BBS4: variants seen among roughly 807,000 people sequenced by gnomAD.
BBS4 encodes Bardet-Biedl syndrome 4.
A neutral mutation model predicts 71.4 loss-of-function variants in BBS4; 58 were observed. The ratio of observed to expected loss-of-function variants is 0.81; its 90% CI spans 0.66 to 1.01. BBS4 has a LOEUF of 1.01. BBS4 is among the 50% of genes least tolerant of loss of function. BBS4 has a pLI of 0.00. For missense variants in BBS4, 660 were observed against 607.9 expected, an observed-to-expected ratio of 1.09 and a Z score of -0.90; for synonymous variants, 228 against 216.8, an observed-to-expected ratio of 1.05 and a Z score of -0.46.
At chr15:72,735,776 A>AC (rs2065909474) in intron 13 of BBS4, 49 bp from the exon 14 acceptor site, 1 of 1,612,052 alleles carries the variant, frequency 6.2e-7, no homozygotes, top group Admixed American at 1.7e-5. Context: ...TCTCTAAATG[A>AC]CCATTTGTTG....
At chr15:72,698,612 A>T (rs755968733) in intron 2 of BBS4, among the ~76,000 whole-genome samples, 31 of 152,108 alleles carry the variant, frequency 2.0e-4, no homozygotes, top group Non-Finnish European at 4.1e-4. Flanking sequence ...TATATATCAC[A>T]TTTTGTTTAT....
At chr15:72,694,954 ATAT>A (rs1392084661) in intron 1 of BBS4, among the ~76,000 whole-genome samples, 8 of 152,200 alleles carry the variant, frequency 5.3e-5, no homozygotes, top group Admixed American at 1.3e-4. Context: ...CACATTGTAA[ATAT>A]TATAAATATG....
intron 2 of BBS4, among the ~76,000 whole-genome samples, chr15:72,695,985 A>G (rs149093348): frequency 3.3e-5 from 5 of 152,348 alleles, no homozygotes; most frequent in African/African-American, 1.2e-4. Context: ...GTAAATGTCA[A>G]TTAGGTCAAG....
At chr15:72,719,008 GT>G (rs1405045326) in intron 6 of BBS4, among the ~76,000 whole-genome samples, 8 of 152,142 alleles carry the variant, frequency 5.3e-5, no homozygotes, top group African/African-American at 1.4e-4. Flanking sequence ...CATTAGATTG[GT>G]TGACATTACC....
At chr15:72,703,496 A>C (rs1381118633) in intron 2 of BBS4, among the ~76,000 whole-genome samples, 1 of 152,164 alleles carries the variant, frequency 6.6e-6, no homozygotes, top group East Asian at 1.9e-4. Context: ...TATCCTATTG[A>C]GGTAGAAAAG....
At position 72,737,490 on chromosome 15, in the gene BBS4, C is replaced by A. The variant is rs561284402; in HGVS notation, c.1463C>A (p.Thr488Lys). The change falls in exon 16 of 16, where the codon ACA becomes AAA. Residue 488 changes from threonine (T) to lysine (K), a missense_variant. Coordinates refer to ENST00000268057, the MANE Select transcript of BBS4 (RefSeq NM_033028.5). ...YRTLPSGAGG[T>K]SQFTKPPSLP... Reference sequence around the variant, plus strand: ...ATTTTGTTACTAGGTGCTGGAGGAACATCCCAGTTCACAAAGCCCCCATCT... The same window carrying A: ...ATTTTGTTACTAGGTGCTGGAGGAAAATCCCAGTTCACAAAGCCCCCATCT... The A allele has an allele frequency of 2.3e-4, 365 of 1,612,270 alleles. No individual in the cohort carries two copies. The South Asian group carries it at 3.9e-3, about 17-fold the overall frequency.
intron 1 of BBS4, among the ~76,000 whole-genome samples, chr15:72,688,951 G>T (rs1214046403): frequency 6.6e-6 from 1 of 151,746 alleles, no homozygotes. Flanking sequence ...CCTCTCAGAA[G>T]CCCCTCTCTC....
rs545338731 is a variant in BBS4, at chr15:72,710,448, C to A, written c.156+669C>A. ...AACTCCTGACCTTGTGATCTGCCCG[C>A]CTTGGCCTCCCAAAGTGCTGGGATT... On this transcript the variant is annotated intron_variant, in intron 3 of 15. Transcript: ENST00000268057. Among the ~76,000 whole-genome samples, 132 of 152,230 alleles carry A rather than the reference C, an allele frequency of 8.7e-4. 1 individual carries two copies. The highest frequency in any genetic ancestry group is 1.5e-3 in the Non-Finnish European group (105 of 68,010).
Position 72,725,230 on chromosome 15 carries a change from T to TA in BBS4, c.587+586dup, listed in dbSNP as rs537278982. 4.5e-3 allele frequency among the ~76,000 whole-genome samples: 654 copies of TA among 146,264 alleles called. 9 individuals are homozygous for TA. In the East Asian group the frequency reaches 0.052, roughly 12 times the overall value. ...CATGTGCCACCATGCCCAGCTAATT[T>TA]AAAAAAAAAAACTGTTTTTGTGTTG... On this transcript the variant is annotated intron_variant, in intron 8 of 15. Coordinates refer to ENST00000268057, the MANE Select transcript of BBS4 (RefSeq NM_033028.5).
At chr15:72,715,880 T>C (rs141959269) in intron 5 of BBS4, among the ~76,000 whole-genome samples, 1 of 152,354 alleles carries the variant, frequency 6.6e-6, no homozygotes, top group African/African-American at 2.4e-5. Flanking sequence ...CAAGTATCCA[T>C]ACAGCCATTC....
At chr15:72,708,526 C>T (rs780049683) in intron 2 of BBS4, among the ~76,000 whole-genome samples, 3 of 152,210 alleles carry the variant, frequency 2.0e-5, no homozygotes, top group Admixed American at 1.3e-4. Context: ...GATTGTAAAA[C>T]GTGTGTTTGA....
chr15:72,719,245 C>G (rs979033657), intron 6 of BBS4, among the ~76,000 whole-genome samples: 3 of 146,044 alleles, frequency 2.1e-5, no homozygotes, highest in Non-Finnish European at 3.0e-5. Flanking sequence ...TGGATGCTAG[C>G]AGTTTTTTAC....
chr15:72,737,437 A>G, intron 15 of BBS4, 41 bp from the exon 16 acceptor site: 3 of 1,513,472 alleles, frequency 2.0e-6, no homozygotes, highest in Non-Finnish European at 2.7e-6. Context: ...TTCTTCTGAA[A>G]TTGTGGAACA....
chr15:72,688,091 TA>T (rs1434789821), intron 1 of BBS4, among the ~76,000 whole-genome samples: 9 of 150,526 alleles, frequency 6.0e-5, no homozygotes, highest in Non-Finnish European at 1.3e-4. Flanking sequence ...TAAGTAATCT[TA>T]AAGTGTAAAA....
intron 6 of BBS4, 176 bp downstream of exon 6, chr15:72,717,026 G>C: frequency 6.5e-6 from 4 of 617,978 alleles, no homozygotes; most frequent in Non-Finnish European, 1.1e-5. Flanking sequence ...TCATAACTTT[G>C]CAGGCATTGC....
At chr15:72,703,972 A>G (rs1169165533) in intron 2 of BBS4, among the ~76,000 whole-genome samples, 1 of 152,166 alleles carries the variant, frequency 6.6e-6, no homozygotes, top group Non-Finnish European at 1.5e-5. Flanking sequence ...ACAGGGGAGA[A>G]TTCTTGAGGT....
At chr15:72,731,809 G>T (rs1785002422) in intron 12 of BBS4, 83 bp downstream of exon 12, 4 of 1,521,884 alleles carry the variant, frequency 2.6e-6, no homozygotes, top group Non-Finnish European at 3.6e-6. Context: ...ATCAGTGGCT[G>T]TCTCATAGGA....
chr15:72,686,269 C>G lies in BBS4; in HGVS notation c.24+18C>G, dbSNP rs368789560. 5.3e-5 allele frequency: 83 copies of G among 1,563,008 alleles called. No homozygotes were observed. The African/African-American group carries it at 8.4e-4, about 16-fold the overall frequency. ...TCGCGACGGTGAGCGCCGAGATTCT[C>G]TTTAGTTGCCCGGCCGCAGGGCAAG... On this transcript the variant is annotated intron_variant, in intron 1 of 15. Coordinates refer to ENST00000268057, the MANE Select transcript of BBS4 (RefSeq NM_033028.5).
chr15:72,715,469 C>T (rs574754394), intron 5 of BBS4, 67 bp downstream of exon 5: 1 of 1,114,900 alleles, frequency 9.0e-7, no homozygotes, highest in Non-Finnish European at 1.4e-6. Context: ...ATTCCTAGGT[C>T]CAGCCTGCTG....
Sources: allele counts gnomAD v4.1 joint callset (sites outside exome capture counted in the v4.1 genomes callset), GRCh38; gene constraint gnomAD v4.1.1; transcripts MANE v1.5; gene names NCBI Gene and HGNC (gene_info 2026-07-23, HGNC 2026-07-21).